PABPC4L: variants seen among roughly 807,000 people sequenced by gnomAD.
The protein encoded by PABPC4L is polyadenylate-binding protein 4-like.
For missense variants in PABPC4L, 452 were observed against 451.4 expected, an observed-to-expected ratio of 1.00 and a Z score of -0.01; for synonymous variants, 169 against 164.1, an observed-to-expected ratio of 1.03 and a Z score of -0.23.
At chr4:134,086,760 A>C in the PABPC4L span, among the ~76,000 whole-genome samples, 5 of 106,766 alleles carry the variant, frequency 4.7e-5, no homozygotes, top group Non-Finnish European at 6.1e-5. Flanking sequence ...TATTCTATTT[A>C]TTTCTTTTTC....
At chr4:134,063,916 G>T in the PABPC4L span, among the ~76,000 whole-genome samples, 1 of 151,810 alleles carries the variant, frequency 6.6e-6, no homozygotes, top group East Asian at 1.9e-4. Flanking sequence ...CTTGTAATAT[G>T]GTCTCAATGC....
At chr4:134,019,041 A>C in the PABPC4L span, among the ~76,000 whole-genome samples, 1 of 152,146 alleles carries the variant, frequency 6.6e-6, no homozygotes, top group Admixed American at 6.6e-5. Context: ...GAAATGACTT[A>C]ATTTGAATAG....
chr4:133,979,974 T>C, the PABPC4L span, among the ~76,000 whole-genome samples: 1 of 152,158 alleles, frequency 6.6e-6, no homozygotes, highest in Admixed American at 6.6e-5. Flanking sequence ...TTTAATTTGG[T>C]TCAGAAATAG....
the PABPC4L span, among the ~76,000 whole-genome samples, chr4:134,129,449 T>C: frequency 6.6e-6 from 1 of 151,900 alleles, no homozygotes; most frequent in Non-Finnish European, 1.5e-5. Flanking sequence ...AACAAATTTA[T>C]GAAAGTCAAA....
chr4:134,095,402 A>G, the PABPC4L span, among the ~76,000 whole-genome samples: 9 of 152,150 alleles, frequency 5.9e-5, no homozygotes, highest in Middle Eastern at 6.8e-3. Flanking sequence ...GCATGTTTAT[A>G]TTTGTATGTA....
the PABPC4L span, among the ~76,000 whole-genome samples, chr4:134,079,448 G>A: frequency 6.6e-6 from 1 of 150,934 alleles, no homozygotes; most frequent in Non-Finnish European, 1.5e-5. Flanking sequence ...GCGTGGTAGC[G>A]GACGCCTGTA....
At chr4:134,010,220 A>G in the PABPC4L span, among the ~76,000 whole-genome samples, 30 of 152,192 alleles carry the variant, frequency 2.0e-4, 1 homozygote, top group African/African-American at 6.0e-4. Flanking sequence ...TATATTATGT[A>G]TAATTTGCAA....
At chr4:133,966,058 C>G in the PABPC4L span, among the ~76,000 whole-genome samples, 1 of 152,108 alleles carries the variant, frequency 6.6e-6, no homozygotes, top group Non-Finnish European at 1.5e-5. Flanking sequence ...GACAATTTTA[C>G]AATCTGTATA....
At chr4:133,979,131 T>A in the PABPC4L span, among the ~76,000 whole-genome samples, 7 of 152,314 alleles carry the variant, frequency 4.6e-5, no homozygotes, top group South Asian at 1.2e-3. Context: ...CGAAAAGATC[T>A]AACATTGATC....
chr4:133,990,284 CATA>C, the PABPC4L span, among the ~76,000 whole-genome samples: 36 of 152,220 alleles, frequency 2.4e-4, no homozygotes, highest in African/African-American at 3.4e-4. Context: ...TTGTAATTTT[CATA>C]ATATTTCAAA....
chr4:134,064,932 T>G, the PABPC4L span, among the ~76,000 whole-genome samples: 1 of 151,708 alleles, frequency 6.6e-6, no homozygotes, highest in Non-Finnish European at 1.5e-5. Context: ...TATGATTTTG[T>G]TTTTTTTGGC....
At chr4:134,152,166 A>G in the PABPC4L span, among the ~76,000 whole-genome samples, 2 of 151,850 alleles carry the variant, frequency 1.3e-5, no homozygotes, top group Non-Finnish European at 2.9e-5. Flanking sequence ...CTTTTTTCTT[A>G]ATGTTTCTTT....
the PABPC4L span, among the ~76,000 whole-genome samples, chr4:133,952,400 G>C: frequency 3.8e-3 from 581 of 152,208 alleles, 3 homozygotes; most frequent in African/African-American, 0.014. Flanking sequence ...GGCCATAGGG[G>C]TCAGGCACCA....
the PABPC4L span, among the ~76,000 whole-genome samples, chr4:134,117,729 C>T: frequency 2.0e-5 from 3 of 151,570 alleles, no homozygotes; most frequent in Non-Finnish European, 4.4e-5. Context: ...AGAAAAAAAT[C>T]AATATATATT....
chr4:134,098,290 T>C, the PABPC4L span, among the ~76,000 whole-genome samples: 1 of 151,886 alleles, frequency 6.6e-6, no homozygotes, highest in Admixed American at 6.6e-5. Flanking sequence ...AGGCATAAAA[T>C]TAGTATGATT....
the PABPC4L span, among the ~76,000 whole-genome samples, chr4:134,114,933 T>C: frequency 1.9e-4 from 29 of 151,866 alleles, no homozygotes; most frequent in Non-Finnish European, 3.2e-4. Flanking sequence ...ACATTTTAGA[T>C]AGAAGACAGT....
the PABPC4L span, among the ~76,000 whole-genome samples, chr4:134,057,639 G>A: frequency 6.6e-6 from 1 of 152,102 alleles, no homozygotes; most frequent in South Asian, 2.1e-4. Context: ...ATTAAGGTGA[G>A]CTGTTGTAAC....
chr4:134,192,178 A>G (rs1472279827), downstream of PABPC4L, among the ~76,000 whole-genome samples: 1 of 152,176 alleles, frequency 6.6e-6, no homozygotes, highest in Non-Finnish European at 1.5e-5. Context: ...AATGAATATT[A>G]TACAGTCATA....
chr4:134,146,265 C>T, the PABPC4L span, among the ~76,000 whole-genome samples: 10 of 151,404 alleles, frequency 6.6e-5, no homozygotes, highest in African/African-American at 1.7e-4. Flanking sequence ...TGTCTAATGT[C>T]CATATTACTT....
Sources: allele counts gnomAD v4.1 joint callset (sites outside exome capture counted in the v4.1 genomes callset), GRCh38; gene constraint gnomAD v4.1.1; transcripts MANE v1.5; gene names NCBI Gene and HGNC (gene_info 2026-07-23, HGNC 2026-07-21).